The following AATF variants were observed in gnomAD, a reference collection of about 807,000 sequenced individuals.
AATF encodes the protein apoptosis antagonizing transcription factor.
Under a neutral mutation model 63.7 loss-of-function variants are expected in AATF, and 48 were observed. That is an observed-to-expected ratio of 0.75 (90% CI 0.60 to 0.96). AATF has a LOEUF of 0.96. Among genes scored for constraint, AATF ranks in the 40% least tolerant of loss-of-function variants. The probability of loss-of-function intolerance (pLI) is 0.00; values close to 1 mark genes in which losing one functional copy is unlikely to be tolerated. For synonymous variants in AATF, 258 were observed against 247.7 expected (o/e 1.04, Z -0.39); for missense variants, 639 against 685.7 (o/e 0.93, Z 0.76).
At chr17:37,047,283 C>A (rs1390468666) in intron 11 of AATF, among the ~76,000 whole-genome samples, 1 of 152,156 alleles carries the variant, frequency 6.6e-6, no homozygotes, top group African/African-American at 2.4e-5. Context: ...GCTCCTCCCC[C>A]ACCCCTCTGC....
chr17:36,980,954 G>A (rs1261274370), intron 4 of AATF, among the ~76,000 whole-genome samples: 1 of 149,356 alleles, frequency 6.7e-6, no homozygotes, highest in African/African-American at 2.5e-5. Flanking sequence ...TTCATCTCTG[G>A]TAGGTCTCTT....
At position 37,022,830 on chromosome 17, in the gene AATF, T is replaced by C. The variant is rs10163488; in HGVS notation, c.1547+1816T>C. On this transcript the variant is annotated intron_variant, in intron 10 of 11. Transcript: ENST00000619387. ...TACAAGTGTTTGTTGCCATTATTAC[T>C]GTCATTATTATTGCTATCAGTATTC... is the stretch of plus-strand genomic sequence containing the variant. 6.6e-3 allele frequency among the ~76,000 whole-genome samples: 1,007 copies of C among 152,316 alleles called. 6 individuals are homozygous for C. Among genetic ancestry groups the C allele is most frequent in the African/African-American group, 0.023 (966 of 41,562 alleles).
intron 11 of AATF, among the ~76,000 whole-genome samples, chr17:37,053,843 C>T (rs968107639): frequency 1.3e-5 from 2 of 151,848 alleles, no homozygotes; most frequent in Non-Finnish European, 2.9e-5. Flanking sequence ...TCCAGCCTGG[C>T]GACAGAGCGA....
At chr17:36,965,469 T>C (rs1329102162) in intron 4 of AATF, among the ~76,000 whole-genome samples, 1 of 152,250 alleles carries the variant, frequency 6.6e-6, no homozygotes, top group East Asian at 1.9e-4. Flanking sequence ...TCCTTAATTA[T>C]ATCTGCAAAG....
intron 11 of AATF, among the ~76,000 whole-genome samples, chr17:37,032,917 C>T (rs2071562684): frequency 6.6e-6 from 1 of 152,134 alleles, no homozygotes. Context: ...CATTTTTAAA[C>T]ATATTTACCA....
At chr17:37,026,248 G>A (rs909904665) in intron 10 of AATF, among the ~76,000 whole-genome samples, 1 of 152,350 alleles carries the variant, frequency 6.6e-6, no homozygotes, top group South Asian at 2.1e-4. Context: ...AAGGTGTAAT[G>A]TGGGGTCTTA....
At chr17:36,971,340 A>G (rs115381297) in intron 4 of AATF, among the ~76,000 whole-genome samples, 96 of 152,364 alleles carry the variant, frequency 6.3e-4, no homozygotes, top group African/African-American at 2.3e-3. Context: ...ATTAATGTTT[A>G]GCAAGATGCA....
chr17:37,018,954 A>C (rs1425010896), intron 8 of AATF, 51 bp from the exon 9 acceptor site: 2 of 1,479,980 alleles, frequency 1.4e-6, no homozygotes, highest in Non-Finnish European at 1.9e-6. Context: ...TTTTAAAGTC[A>C]GTTGTACTGG....
chr17:36,987,368 C>T (rs1386426705), intron 5 of AATF, among the ~76,000 whole-genome samples: 1 of 152,138 alleles, frequency 6.6e-6, no homozygotes, highest in Non-Finnish European at 1.5e-5. Flanking sequence ...ATTGGAATCA[C>T]TGGTCACAGC....
chr17:37,002,439 G>A (rs960686947), intron 8 of AATF, among the ~76,000 whole-genome samples: 4 of 151,766 alleles, frequency 2.6e-5, no homozygotes, highest in African/African-American at 4.8e-5. Flanking sequence ...AGGCCAAGGC[G>A]GGCAGATCAC....
chr17:36,975,845 GTT>G (rs1810725017), intron 4 of AATF, among the ~76,000 whole-genome samples: 1 of 152,146 alleles, frequency 6.6e-6, no homozygotes, highest in Admixed American at 6.5e-5. Flanking sequence ...ATATCCCACT[GTT>G]TTAAGTTTTT....
rs190312908 is a variant in AATF, at chr17:37,056,402, C to G, written c.1620-199C>G. 676 of 587,678 alleles carry G rather than the reference C, an allele frequency of 1.2e-3. 2 individuals are homozygous for G. The highest frequency in any genetic ancestry group is 4.6e-3 in the Middle Eastern group (13 of 2,838). The allele number at this position is 587,678 out of a possible 1,614,324, so 36.4% of individuals were successfully genotyped here. ...GAGACGGGTGTCCAGCCGCACTGGA[C>G]CATTTACATATTTTACTGTTTGATT... On this transcript the variant is annotated intron_variant, in intron 11 of 11. Coordinates refer to ENST00000619387, the MANE Select transcript of AATF (RefSeq NM_012138.4).
rs561579064 is a variant in AATF at position 36,954,775 on chromosome 17, A to C, written c.832+868A>C. 3.9e-5 allele frequency among the ~76,000 whole-genome samples: 6 copies of C among 152,282 alleles called. No homozygotes were observed. In the South Asian group the frequency reaches 8.3e-4, roughly 21 times the overall value. On this transcript the variant is annotated intron_variant, in intron 4 of 11. Coordinates refer to ENST00000619387, the MANE Select transcript of AATF (RefSeq NM_012138.4). ...TGTGTATGGCGGAGATGAGGCTCCA[A>C]CTTTTCTACCTTATGATGTAGGAAT...
intron 8 of AATF, among the ~76,000 whole-genome samples, chr17:37,001,939 C>T (rs1448088951): frequency 1.3e-5 from 2 of 152,120 alleles, no homozygotes; most frequent in Non-Finnish European, 2.9e-5. Context: ...CGGTGGCTCA[C>T]GTCTGTAATC....
chr17:36,966,643 T>G (rs1320354749), intron 4 of AATF, among the ~76,000 whole-genome samples: 1 of 152,238 alleles, frequency 6.6e-6, no homozygotes, highest in Non-Finnish European at 1.5e-5. Context: ...TTCTGTATAA[T>G]TAATAAGAGT....
At chr17:36,982,094 T>C (rs754938374) in intron 4 of AATF, among the ~76,000 whole-genome samples, 2 of 152,128 alleles carry the variant, frequency 1.3e-5, no homozygotes, top group African/African-American at 4.8e-5. Flanking sequence ...TTGGAAATAG[T>C]ATTTGTCTTT....
At chr17:36,991,107 A>G (rs141759908) in intron 8 of AATF, among the ~76,000 whole-genome samples, 83 of 152,272 alleles carry the variant, frequency 5.5e-4, no homozygotes, top group African/African-American at 2.0e-3. Flanking sequence ...TAGCTGTAAA[A>G]CAGTTTCAGG....
chr17:36,991,113 T>G (rs1203153757), intron 8 of AATF, among the ~76,000 whole-genome samples: 4 of 152,204 alleles, frequency 2.6e-5, no homozygotes, highest in Admixed American at 6.5e-5. Flanking sequence ...TAAAACAGTT[T>G]CAGGTTTTTT....
At position 36,961,509 on chromosome 17, in the gene AATF, G is replaced by A. The variant is rs560568308; in HGVS notation, c.832+7602G>A. ...TTTTACATTCCTTTTTTCATGTTAA[G>A]TCTTTGAAATCCAGAGTATATTCTA... On this transcript the variant is annotated intron_variant, in intron 4 of 11. Coordinates refer to ENST00000619387, the MANE Select transcript of AATF (RefSeq NM_012138.4). 2.6e-5 allele frequency among the ~76,000 whole-genome samples: 4 copies of A among 152,100 alleles called. No individual in the cohort carries two copies. In the South Asian group the frequency reaches 8.3e-4, roughly 32 times the overall value.
Sources: gnomAD v4.1 joint callset for allele counts (sites outside exome capture counted in the v4.1 genomes callset) on GRCh38, gnomAD v4.1.1 for gene constraint, MANE v1.5 for transcripts, NCBI Gene and HGNC (gene_info 2026-07-23, HGNC 2026-07-21) for gene names.